Variants in DNAAF9 observed in about 807,000 individuals in gnomAD.
The protein encoded by DNAAF9 is dynein axonemal assembly factor 9.
In DNAAF9, 90 loss-of-function variants were observed where a neutral mutation model predicts 167.0. That is an observed-to-expected ratio of 0.54 (90% confidence interval 0.45 to 0.64). DNAAF9 has a LOEUF of 0.64. Ranked by LOEUF, DNAAF9 falls within the 30% of genes least tolerant of loss-of-function variation. The pLI, the probability that DNAAF9 is intolerant of heterozygous loss-of-function variation, is 0.00. For synonymous variants in DNAAF9, 491 were observed against 508.8 expected, an observed-to-expected ratio of 0.96 and a Z score of 0.47; for missense variants, 1,315 against 1,442.2, an observed-to-expected ratio of 0.91 and a Z score of 1.43.
intron 1 of DNAAF9, among the ~76,000 whole-genome samples, chr20:3,405,714 A>C (rs542082263): frequency 1.3e-5 from 2 of 152,296 alleles, no homozygotes; most frequent in East Asian, 3.9e-4. Context: ...TACTAAAAAC[A>C]AGAAAGGCAG....
At chr20:3,329,442 C>A (rs79081452) in intron 12 of DNAAF9, among the ~76,000 whole-genome samples, 6,728 of 152,252 alleles carry the variant, frequency 0.044, 223 homozygotes, top group African/African-American at 0.094. Context: ...TTCAGGTGAG[C>A]CACTGCGCTC....
At chr20:3,268,227 G>A (rs532809084) in intron 30 of DNAAF9, among the ~76,000 whole-genome samples, 7 of 151,456 alleles carry the variant, frequency 4.6e-5, no homozygotes, top group African/African-American at 1.2e-4. Flanking sequence ...GCGGGGTTTC[G>A]CCATGTTGGC....
At chr20:3,380,521 A>G (rs1417363058) in intron 3 of DNAAF9, among the ~76,000 whole-genome samples, 1 of 152,168 alleles carries the variant, frequency 6.6e-6, no homozygotes, top group Admixed American at 6.5e-5. Flanking sequence ...GCCTCTATCC[A>G]CTAGATGCCA....
chr20:3,310,372 A>AGAAAGAAAGAAAGAAG (rs2069389679), intron 20 of DNAAF9, among the ~76,000 whole-genome samples: 1 of 151,428 alleles, frequency 6.6e-6, no homozygotes, highest in Non-Finnish European at 1.5e-5. Flanking sequence ...AAAGAAAGAA[A>AGAAAGAAAGAAAGAAG]GAAAGAAAGA....
At chr20:3,401,880 T>C (rs1268027204) in intron 1 of DNAAF9, among the ~76,000 whole-genome samples, 1 of 152,164 alleles carries the variant, frequency 6.6e-6, no homozygotes, top group Non-Finnish European at 1.5e-5. Flanking sequence ...CCCCGCCCCC[T>C]TTTGATACAG....
At chr20:3,328,186 T>G (rs2069748146) in intron 12 of DNAAF9, among the ~76,000 whole-genome samples, 1 of 147,238 alleles carries the variant, frequency 6.8e-6, no homozygotes, top group South Asian at 2.2e-4. Context: ...TGGCTCTGTT[T>G]TTTTTTTTTT....
chr20:3,374,169 T>C lies in DNAAF9; in HGVS notation c.506-15A>G, dbSNP rs375260588. 707 of 1,517,596 alleles carry C rather than the reference T, an allele frequency of 4.7e-4. 1 individual carries two copies. The highest frequency in any genetic ancestry group is 5.8e-4 in the Non-Finnish European group (629 of 1,092,298). The allele number at this position is 1,517,596 out of a possible 1,614,324, so 94.0% of individuals were successfully genotyped here. On this transcript the variant is annotated splice_polypyrimidine_tract_variant and intron_variant, in intron 5 of 36. Coordinates refer to ENST00000252032, the MANE Select transcript of DNAAF9 (RefSeq NM_001009984.3). ...CTGCAAGTGACCTAGAAGAATCAAA[T>C]ACAACAACACATATCAGATACCATC... is the stretch of plus-strand genomic sequence containing the variant.
At chr20:3,387,484 A>G (rs1175262395) in intron 1 of DNAAF9, among the ~76,000 whole-genome samples, 1 of 152,216 alleles carries the variant, frequency 6.6e-6, no homozygotes, top group East Asian at 1.9e-4. Context: ...ATATAAAGAA[A>G]TTAACTCAAA....
At chr20:3,328,255 C>G (rs2069752816) in intron 12 of DNAAF9, among the ~76,000 whole-genome samples, 1 of 150,084 alleles carries the variant, frequency 6.7e-6, no homozygotes, top group Admixed American at 6.6e-5. Context: ...GACCTCAGCT[C>G]ACTGCAACCT....
At chr20:3,368,764 C>T (rs1019403686) in intron 6 of DNAAF9, among the ~76,000 whole-genome samples, 5 of 152,200 alleles carry the variant, frequency 3.3e-5, no homozygotes, top group African/African-American at 7.2e-5. Context: ...GTGATCCCTC[C>T]GCCTCGGCCT....
chr20:3,253,954 C>A (rs2068235414), intron 35 of DNAAF9, 135 bp from the exon 36 acceptor site: 1 of 614,994 alleles, frequency 1.6e-6, no homozygotes, highest in Non-Finnish European at 2.9e-6. Context: ...GCTAACACCC[C>A]CGGCAAACCT....
At chr20:3,289,530 TG>T (rs1342405810) in intron 26 of DNAAF9, among the ~76,000 whole-genome samples, 3 of 152,136 alleles carry the variant, frequency 2.0e-5, no homozygotes, top group Non-Finnish European at 4.4e-5. Context: ...TTTTTTGTTT[TG>T]TTTTTTTAAT....
chr20:3,354,441 T>C (rs2083258684), intron 7 of DNAAF9, among the ~76,000 whole-genome samples: 2 of 152,230 alleles, frequency 1.3e-5, no homozygotes, highest in African/African-American at 2.4e-5. Flanking sequence ...ACAGAACTCC[T>C]GGCTCTAGGC....
At chr20:3,268,952 G>A (rs929122051) in intron 30 of DNAAF9, among the ~76,000 whole-genome samples, 2 of 133,810 alleles carry the variant, frequency 1.5e-5, no homozygotes, top group Non-Finnish European at 3.1e-5. Context: ...CAGGCTGGCT[G>A]GAGTGCAGTG....
chr20:3,324,623 A>T (rs947379133), intron 14 of DNAAF9, among the ~76,000 whole-genome samples: 1 of 152,152 alleles, frequency 6.6e-6, no homozygotes, highest in Non-Finnish European at 1.5e-5. Flanking sequence ...CTTGGAACCC[A>T]GGCTTGTCAA....
At chr20:3,300,723 TAATA>T (rs2069170829) in intron 21 of DNAAF9, among the ~76,000 whole-genome samples, 1 of 146,036 alleles carries the variant, frequency 6.8e-6, no homozygotes. Context: ...ATAATAATAA[TAATA>T]ATTTTTTGTA....
chr20:3,394,989 A>G (rs1396137504), intron 1 of DNAAF9, among the ~76,000 whole-genome samples: 1 of 65,292 alleles, frequency 1.5e-5, no homozygotes, highest in Non-Finnish European at 3.0e-5. Flanking sequence ...TTTTTTTGAG[A>G]CGGAGTTTCG....
At chr20:3,336,506 T>C (rs1016742889) in intron 10 of DNAAF9, among the ~76,000 whole-genome samples, 2 of 152,002 alleles carry the variant, frequency 1.3e-5, no homozygotes, top group African/African-American at 2.4e-5. Flanking sequence ...CTCATTTCTG[T>C]TTTGCCACTG....
At chr20:3,270,625 A>T (rs1161557609) in intron 29 of DNAAF9, 63 bp from the exon 30 acceptor site, 26 of 1,459,138 alleles carry the variant, frequency 1.8e-5, no homozygotes, top group Admixed American at 5.3e-5. Context: ...AGGCTCACAC[A>T]AACGTGAGCC....
Sources: gnomAD v4.1 joint callset for allele counts (sites outside exome capture counted in the v4.1 genomes callset) on GRCh38, gnomAD v4.1.1 for gene constraint, MANE v1.5 for transcripts, NCBI Gene and HGNC (gene_info 2026-07-23, HGNC 2026-07-21) for gene names.